BCL11A: variants seen among roughly 807,000 people sequenced by gnomAD.
BCL11A encodes the protein BCL11 transcription factor A.
A neutral mutation model predicts 55.9 loss-of-function variants in BCL11A; 2 were observed. The observed-to-expected ratio is 0.04, with a 90% CI of 0.01 to 0.11. BCL11A has a LOEUF of 0.11. Ranked by LOEUF, BCL11A falls within the 10% of genes least tolerant of loss-of-function variation. The probability of loss-of-function intolerance (pLI) is 1.00; values close to 1 mark genes in which losing one functional copy is unlikely to be tolerated. For missense variants in BCL11A, 817 were observed against 1,137.1 expected, an observed-to-expected ratio of 0.72 and a Z score of 4.05; for synonymous variants, 465 against 473.4, an observed-to-expected ratio of 0.98 and a Z score of 0.23.
intron 2 of BCL11A, chr2:60,538,665 A>C (rs1669774813): frequency 1.3e-5 from 2 of 152,156 alleles, no homozygotes; most frequent in South Asian, 4.2e-4. Context: ...TTTTAAAAAA[A>C]GTACAAATGA....
chr2:60,551,534 C>G (rs550094757), intron 1 of BCL11A, among the ~76,000 whole-genome samples: 3 of 152,192 alleles, frequency 2.0e-5, no homozygotes, highest in South Asian at 2.1e-4. Flanking sequence ...CCTCGCGGTC[C>G]CGAGCTGTGG....
rs373994934 is a variant in BCL11A, at chr2:60,461,538, G to C, written c.1374C>G (p.Ser458Arg). ...CCACGGACTTGAGCGCGCTGCTGGC[G>C]CTGCCCACCAAGTCGCTGGTGCCGG... ...PEPGTSDLVG[S>R]ASSALKSVVA... is the part of the protein sequence containing the mutation. The change falls in exon 4 of 4, where the codon AGC becomes AGG. Residue 458 changes from serine to arginine, a missense_variant. Physicochemically the swap from Ser to Arg is moderately radical, Grantham distance 110 (BLOSUM62 -1). Around this residue, in one of 4 missense-constraint regions of BCL11A, gnomAD observed 379 missense variants for 425.3 expected, o/e 0.89. Coordinates refer to ENST00000642384, the MANE Select transcript of BCL11A (RefSeq NM_022893.4). 5 of 1,609,448 alleles carry C rather than the reference G, an allele frequency of 3.1e-6. No individual in the cohort carries two copies. Among genetic ancestry groups the C allele is most frequent in the Non-Finnish European group, 4.2e-6 (5 of 1,180,004 alleles).
chr2:60,475,626 CA>C (rs1421459734), intron 2 of BCL11A, among the ~76,000 whole-genome samples: 3 of 152,168 alleles, frequency 2.0e-5, no homozygotes, highest in Non-Finnish European at 2.9e-5. Flanking sequence ...ACCATCCCTC[CA>C]AATTTCCCCT....
chr2:60,464,557 C>T (rs754292637), intron 3 of BCL11A, among the ~76,000 whole-genome samples: 5 of 152,194 alleles, frequency 3.3e-5, no homozygotes, highest in Non-Finnish European at 5.9e-5. Context: ...GTCCTTAACA[C>T]GTTCATCACT....
chr2:60,474,581 G>C (rs1677412248), intron 2 of BCL11A, among the ~76,000 whole-genome samples: 1 of 152,214 alleles, frequency 6.6e-6, no homozygotes, highest in South Asian at 2.1e-4. Context: ...TTTTGCCTTA[G>C]AATGGCGGAA....
intron 2 of BCL11A, among the ~76,000 whole-genome samples, chr2:60,506,699 A>T (rs1679616457): frequency 6.6e-6 from 1 of 152,236 alleles, no homozygotes; most frequent in East Asian, 1.9e-4. Flanking sequence ...ACCACTGATG[A>T]CAGCCCCCCG....
At chr2:60,543,790 CTTG>C (rs1171563612) in intron 2 of BCL11A, 3 of 152,196 alleles carry the variant, frequency 2.0e-5, no homozygotes, top group South Asian at 2.1e-4. Flanking sequence ...GGTCACAGCA[CTTG>C]TTGTGCGCCC....
intron 2 of BCL11A, chr2:60,522,420 G>T (rs1446091370): frequency 1.3e-5 from 2 of 152,082 alleles, no homozygotes; most frequent in East Asian, 3.8e-4. Context: ...ACCAAATAGG[G>T]GAGTTATTTT....
Position 60,542,025 on chromosome 2 carries a change from T to C in BCL11A, c.385+3946A>G, listed in dbSNP as rs6750710. The C allele has an allele frequency of 8.9e-3, 5,557 of 626,386 alleles. 26 individuals are homozygous for C. The highest frequency in any genetic ancestry group is 0.012 in the Non-Finnish European group (4,108 of 348,502). The allele number at this position is 626,386 out of a possible 1,614,324, so 38.8% of individuals were successfully genotyped here. A position where few individuals can be genotyped will look rare whatever the true frequency, so the allele number is the denominator to read the frequency against. On this transcript the variant is annotated intron_variant, in intron 2 of 3. Coordinates refer to ENST00000642384, the MANE Select transcript of BCL11A (RefSeq NM_022893.4). ...TGATTTACTTTTAAGAGCATGCTAA[T>C]GTATTTCCATTTTGAATTACTATAT...
intron 2 of BCL11A, among the ~76,000 whole-genome samples, chr2:60,477,958 CTTTT>C (rs79276518): frequency 1.4e-5 from 2 of 138,498 alleles, no homozygotes; most frequent in East Asian, 2.1e-4. Flanking sequence ...TTATGGAAAG[CTTTT>C]TTTTTTTTTT....
intron 2 of BCL11A, among the ~76,000 whole-genome samples, chr2:60,495,329 T>C (rs1251157836): frequency 6.6e-6 from 1 of 152,220 alleles, no homozygotes; most frequent in Non-Finnish European, 1.5e-5. Flanking sequence ...TGGTGTGTTA[T>C]GTCTAAGAGT....
chr2:60,453,334 T>C (rs934168012), downstream of BCL11A, among the ~76,000 whole-genome samples: 1 of 152,128 alleles, frequency 6.6e-6, no homozygotes, highest in African/African-American at 2.4e-5. Context: ...TCCTCCGGGG[T>C]TCCTCCCTTG....
At chr2:60,501,798 G>A (rs775284424) in intron 2 of BCL11A, among the ~76,000 whole-genome samples, 18 of 152,134 alleles carry the variant, frequency 1.2e-4, no homozygotes, top group Admixed American at 7.9e-4. Flanking sequence ...GAGCCACTGC[G>A]CCCAGCCTTA....
At chr2:60,549,137 G>A (rs984299917) in intron 1 of BCL11A, among the ~76,000 whole-genome samples, 1 of 152,182 alleles carries the variant, frequency 6.6e-6, no homozygotes, top group African/African-American at 2.4e-5. Context: ...TCTACGAGGG[G>A]AGGAAGAAAT....
chr2:60,505,970 C>CCATCTCCT (rs1679568170), intron 2 of BCL11A, among the ~76,000 whole-genome samples: 1 of 152,234 alleles, frequency 6.6e-6, no homozygotes, highest in African/African-American at 2.4e-5. Flanking sequence ...GGCATGGTGG[C>CCATCTCCT]ATTTGGTAAA....
chr2:60,502,748 G>A (rs1679360798), intron 2 of BCL11A, among the ~76,000 whole-genome samples: 1 of 152,188 alleles, frequency 6.6e-6, no homozygotes, highest in Non-Finnish European at 1.5e-5. Flanking sequence ...TCTGATCATG[G>A]TAGCACAGTA....
chr2:60,487,243 C>T (rs1273891885), intron 2 of BCL11A, among the ~76,000 whole-genome samples: 1 of 152,144 alleles, frequency 6.6e-6, no homozygotes, highest in African/African-American at 2.4e-5. Flanking sequence ...AACTCCCTAA[C>T]CTATATTTTG....
At position 60,462,031 on chromosome 2, in the gene BCL11A, G is replaced by A; in HGVS notation, c.881C>T (p.Pro294Leu). The A allele has an allele frequency of 6.2e-7, 1 of 1,610,158 alleles. No individual in the cohort carries two copies. The highest frequency in any genetic ancestry group is 8.5e-7 in the Non-Finnish European group (1 of 1,178,292). The stretch of plus-strand genomic sequence containing the variant: ...CCGCAGCACCCTGTCAAAGGCACTC[G>A]GGTGATGGGTGGCCAGGGCCATCTC... Reference protein sequence around the residue: ...AEEMALATHHPSAFDRVLRLN... With the variant: ...AEEMALATHHLSAFDRVLRLN... Residue 294 changes from proline to leucine, a missense_variant, in exon 4 of 4, where the codon CCG becomes CTG. Coordinates refer to ENST00000642384, the MANE Select transcript of BCL11A (RefSeq NM_022893.4).
At position 60,521,106 on chromosome 2, in the gene BCL11A, CA is replaced by C. The variant is rs55917196; in HGVS notation, c.385+24864del. 6.4e-3 allele frequency among the ~76,000 whole-genome samples: 129 copies of C among 20,286 alleles called. 1 individual carries two copies. In the East Asian group the frequency reaches 0.067, roughly 11 times the overall value. The allele number at this position is 20,286 out of a possible 152,430, so 13.3% of individuals were successfully genotyped here. A position where few individuals can be genotyped will look rare whatever the true frequency, so the allele number is the denominator to read the frequency against. On this transcript the variant is annotated intron_variant, in intron 2 of 3. Transcript: ENST00000642384. ...ACACACACACACACACACACTCACA[CA>C]CACACACACACACACACTCACACAA... is the stretch of plus-strand genomic sequence containing the variant.
Sources: allele counts gnomAD v4.1 joint callset (sites outside exome capture counted in the v4.1 genomes callset), GRCh38; gene constraint gnomAD v4.1.1; regional missense constraint gnomAD v4.1.1; transcripts MANE v1.5; gene names NCBI Gene and HGNC (gene_info 2026-07-23, HGNC 2026-07-21).